The following LRP12 variants were observed in gnomAD, a reference collection of about 807,000 sequenced individuals.
The protein encoded by LRP12 is low-density lipoprotein receptor-related protein 12.
LRP12 carries 14 observed loss-of-function variants against 66.0 expected under a neutral mutation model. The ratio of observed to expected loss-of-function variants is 0.21; its 90% confidence interval spans 0.14 to 0.33. The LOEUF (loss-of-function observed/expected upper bound fraction) is 0.33. Among genes scored for constraint, LRP12 ranks in the 10% least tolerant of loss-of-function variants. LRP12 has a pLI of 1.00. For synonymous variants in LRP12, 357 were observed against 359.1 expected (o/e 0.99, Z 0.07); for missense variants, 889 against 1,053.4 (o/e 0.84, Z 2.16).
rs1192945932 is a variant in LRP12 at position 104,547,844 on chromosome 8, TG to T, written c.80-15882del. ...ACTTTGTATATAATATATAATTCTA[TG>T]TTATATTTTGTATATAATATACAAT... On this transcript the variant is annotated intron_variant, in intron 1 of 6. Transcript: ENST00000276654. Among the ~76,000 whole-genome samples the T allele has an allele frequency of 1.8e-4, 17 of 95,344 alleles. No individual in the cohort carries two copies. The South Asian group carries it at 2.5e-3, about 14-fold the overall frequency. The allele number at this position is 95,344 out of a possible 152,430, so 62.5% of individuals were successfully genotyped here.
At chr8:104,507,234 C>T (rs1260252625) in intron 3 of LRP12, 1 of 152,138 alleles carries the variant, frequency 6.6e-6, no homozygotes, top group East Asian at 1.9e-4. Context: ...ATAATGACTT[C>T]AGTAAAGAAT....
intron 1 of LRP12, among the ~76,000 whole-genome samples, chr8:104,546,983 T>G (rs1177569794): frequency 6.9e-6 from 1 of 145,392 alleles, no homozygotes; most frequent in Non-Finnish European, 1.5e-5. Context: ...ATTCTATACA[T>G]TTTGTATATA....
rs1306163949 is a variant in LRP12, at chr8:104,489,956, A to C, written c.*717T>G. 1 of 152,642 alleles carries C rather than the reference A, an allele frequency of 6.6e-6. No individual in the cohort carries two copies. Among genetic ancestry groups the C allele is most frequent in the East Asian group, 1.9e-4 (1 of 5,198 alleles). The allele number at this position is 152,642 out of a possible 1,614,324, so 9.5% of individuals were successfully genotyped here. ...TCTTCATCCACTTAATTCTGTTGCT[A>C]AATAGAGATGAAAAAAGAAATGACT... On this transcript the variant is annotated 3_prime_UTR_variant, in exon 7 of 7. Coordinates refer to ENST00000276654, the MANE Select transcript of LRP12 (RefSeq NM_013437.5).
intron 3 of LRP12, chr8:104,506,933 A>G (rs1810919202): frequency 6.6e-6 from 1 of 152,206 alleles, no homozygotes; most frequent in African/African-American, 2.4e-5. Flanking sequence ...CTAAGAATTT[A>G]AAATTTTTAT....
chr8:104,511,970 T>C (rs112116635), intron 2 of LRP12, among the ~76,000 whole-genome samples: 2,567 of 152,220 alleles, frequency 0.017, 69 homozygotes, highest in African/African-American at 0.058. Flanking sequence ...TTTTAATAAA[T>C]GACGTTTTAG....
At chr8:104,526,432 T>C (rs1301985075) in intron 2 of LRP12, among the ~76,000 whole-genome samples, 1 of 150,804 alleles carries the variant, frequency 6.6e-6, no homozygotes, top group Non-Finnish European at 1.5e-5. Context: ...CTTCAAACTA[T>C]ACTACAAGGC....
chr8:104,496,496 T>C (rs1311201346), intron 5 of LRP12, among the ~76,000 whole-genome samples: 2 of 152,258 alleles, frequency 1.3e-5, no homozygotes, highest in East Asian at 1.9e-4. Context: ...TATACCATTT[T>C]GTTTCATAGC....
intron 1 of LRP12, among the ~76,000 whole-genome samples, chr8:104,572,852 T>C (rs1425107419): frequency 1.3e-5 from 2 of 152,098 alleles, no homozygotes; most frequent in African/African-American, 2.4e-5. Flanking sequence ...TTAAAAAACA[T>C]AATTTCTATT....
chr8:104,577,740 G>A (rs1812187036), intron 1 of LRP12, among the ~76,000 whole-genome samples: 1 of 151,576 alleles, frequency 6.6e-6, no homozygotes, highest in Non-Finnish European at 1.5e-5. Context: ...GAACCAGGGA[G>A]GCGGAGCTTG....
intron 1 of LRP12, among the ~76,000 whole-genome samples, chr8:104,547,125 T>C (rs1038501797): frequency 1.2e-4 from 17 of 145,194 alleles, no homozygotes; most frequent in South Asian, 2.1e-4. Flanking sequence ...TGTTATATCA[T>C]ACTTTGTATA....
At chr8:104,519,455 G>C (rs530740703) in intron 2 of LRP12, among the ~76,000 whole-genome samples, 5 of 152,078 alleles carry the variant, frequency 3.3e-5, no homozygotes, top group African/African-American at 1.2e-4. Flanking sequence ...AAAGTGTTTT[G>C]GATTTCAAAA....
chr8:104,491,588 G>GAAAA (rs768369231), intron 6 of LRP12, 49 bp from the exon 7 acceptor site: 1 of 705,842 alleles, frequency 1.4e-6, no homozygotes. Flanking sequence ...AAGGTACTAA[G>GAAAA]ATAAAAAAAA....
chr8:104,567,874 C>A (rs1404969505), intron 1 of LRP12, among the ~76,000 whole-genome samples: 1 of 152,132 alleles, frequency 6.6e-6, no homozygotes, highest in East Asian at 1.9e-4. Context: ...TCCATGCAAT[C>A]CCTATCAAAA....
rs145286037 is a variant in LRP12 at position 104,513,646 on chromosome 8, A to G, written c.137-4572T>C. The stretch of plus-strand genomic sequence containing the variant: ...CTGACACTGACTACCCAGACTTGGA[A>G]CTGTACTACCCAGACTTTGTGGACA... On this transcript the variant is annotated intron_variant, in intron 2 of 6. Transcript: ENST00000276654. Among the ~76,000 whole-genome samples the G allele has an allele frequency of 6.7e-4, 102 of 152,166 alleles. 3 individuals are homozygous for G. In the East Asian group the frequency reaches 0.016, roughly 24 times the overall value.
chr8:104,546,948 AATATATAATTATATATC>A (rs1421042033), intron 1 of LRP12, among the ~76,000 whole-genome samples: 3 of 143,562 alleles, frequency 2.1e-5, no homozygotes, highest in Non-Finnish European at 4.5e-5. Flanking sequence ...TTTTGTATAT[AATATATAATTATATATC>A]ATATATAATT....
At chr8:104,551,207 T>C (rs1811720276) in intron 1 of LRP12, among the ~76,000 whole-genome samples, 1 of 152,198 alleles carries the variant, frequency 6.6e-6, no homozygotes, top group African/African-American at 2.4e-5. Flanking sequence ...CACTGGTTAC[T>C]CTCTAACTCC....
chr8:104,572,375 C>T (rs559753811), intron 1 of LRP12, among the ~76,000 whole-genome samples: 17 of 151,596 alleles, frequency 1.1e-4, no homozygotes, highest in Middle Eastern at 6.8e-3. Context: ...CACATAACTG[C>T]ACCAGAAAAA....
At chr8:104,549,341 G>A (rs1274438631) in intron 1 of LRP12, among the ~76,000 whole-genome samples, 2 of 151,496 alleles carry the variant, frequency 1.3e-5, no homozygotes, top group African/African-American at 2.4e-5. Context: ...ATGTGGAAAC[G>A]GATACCAATG....
chr8:104,516,934 A>G (rs943764180), intron 2 of LRP12, among the ~76,000 whole-genome samples: 2 of 152,054 alleles, frequency 1.3e-5, no homozygotes, highest in Non-Finnish European at 2.9e-5. Context: ...TAAAACTGAC[A>G]AGAGTTGATA....
Sources: allele counts gnomAD v4.1 joint callset (sites outside exome capture counted in the v4.1 genomes callset), GRCh38; gene constraint gnomAD v4.1.1; transcripts MANE v1.5; gene names NCBI Gene and HGNC (gene_info 2026-07-23, HGNC 2026-07-21).